Variants in COLEC12 observed in about 807,000 individuals in gnomAD.
The protein encoded by COLEC12 is collectin-12.
In COLEC12, 33 loss-of-function variants were observed where a neutral mutation model predicts 71.1. The observed-to-expected ratio is 0.46, with a 90% CI of 0.35 to 0.62. The LOEUF (loss-of-function observed/expected upper bound fraction) is 0.62, where lower values mean the gene tolerates loss of function less well. COLEC12 is among the 20% of genes least tolerant of loss of function. The pLI is 0.00. For synonymous variants in COLEC12, 350 were observed against 353.0 expected, an observed-to-expected ratio of 0.99 and a Z score of 0.10; for missense variants, 765 against 916.1, an observed-to-expected ratio of 0.84 and a Z score of 2.13.
intron 3 of COLEC12, among the ~76,000 whole-genome samples, chr18:348,937 G>A (rs972010618): frequency 2.0e-5 from 3 of 152,190 alleles, no homozygotes; most frequent in African/African-American, 7.2e-5. Context: ...TGTTGTGGGA[G>A]GGACTTGGTG....
At chr18:342,103 G>A (rs1055469066) in intron 5 of COLEC12, among the ~76,000 whole-genome samples, 27 of 151,942 alleles carry the variant, frequency 1.8e-4, no homozygotes, top group African/African-American at 6.5e-4. Context: ...TGTTGCCCAG[G>A]CTAGAGTGCA....
Position 476,828 on chromosome 18 carries a change from T to G in COLEC12, c.58+3879A>C, listed in dbSNP as rs180774258. On this transcript the variant is annotated intron_variant, in intron 2 of 9. Transcript: ENST00000400256. ...GTGCCTCATGTCCCAGAAAATGAAC[T>G]CTGCCAAATTGTAACTATAGTTACG... 2.6e-5 allele frequency among the ~76,000 whole-genome samples: 4 copies of G among 152,354 alleles called. No homozygotes were observed. In the East Asian group the frequency reaches 7.7e-4, roughly 29 times the overall value.
chr18:477,142 G>A (rs1567920093), intron 2 of COLEC12, among the ~76,000 whole-genome samples: 1 of 152,198 alleles, frequency 6.6e-6, no homozygotes. Flanking sequence ...TAAACAAGGG[G>A]TGACTGCACC....
chr18:444,652 G>T (rs1374395900), intron 2 of COLEC12, among the ~76,000 whole-genome samples: 1 of 151,954 alleles, frequency 6.6e-6, no homozygotes, highest in Non-Finnish European at 1.5e-5. Flanking sequence ...GGTAGGGAGG[G>T]GAGAGAAAAG....
intron 3 of COLEC12, among the ~76,000 whole-genome samples, chr18:353,133 C>A (rs959263267): frequency 6.6e-6 from 1 of 152,180 alleles, no homozygotes; most frequent in South Asian, 2.1e-4. Context: ...CTTCTTCCCT[C>A]GTCTTGACTC....
At chr18:422,961 C>T (rs1199906334) in intron 2 of COLEC12, among the ~76,000 whole-genome samples, 1 of 152,240 alleles carries the variant, frequency 6.6e-6, no homozygotes, top group Non-Finnish European at 1.5e-5. Flanking sequence ...ACGTTTCCCA[C>T]TCATTTGTTC....
At chr18:468,771 C>A (rs1389663677) in intron 2 of COLEC12, among the ~76,000 whole-genome samples, 1 of 152,224 alleles carries the variant, frequency 6.6e-6, no homozygotes, top group Non-Finnish European at 1.5e-5. Context: ...CGTTCCATAA[C>A]AAGAAAATTT....
At chr18:365,236 T>C (rs1336884621) in intron 2 of COLEC12, among the ~76,000 whole-genome samples, 2 of 152,220 alleles carry the variant, frequency 1.3e-5, no homozygotes, top group Non-Finnish European at 2.9e-5. Flanking sequence ...TGTGGTGACA[T>C]ACTTAAGCAG....
intron 2 of COLEC12, among the ~76,000 whole-genome samples, chr18:386,163 A>C (rs1352098338): frequency 6.6e-6 from 1 of 152,096 alleles, no homozygotes; most frequent in Non-Finnish European, 1.5e-5. Flanking sequence ...GAAATTACAG[A>C]ATTATTGAGC....
At chr18:322,193 T>TAC (rs34440882) in intron 8 of COLEC12, among the ~76,000 whole-genome samples, 103,064 of 149,574 alleles carry the variant, frequency 0.69, 35,568 homozygotes, top group East Asian at 0.93. Flanking sequence ...GAGGACATGA[T>TAC]ACACACACAC....
intron 2 of COLEC12, among the ~76,000 whole-genome samples, chr18:403,558 T>G (rs1448630654): frequency 6.6e-6 from 1 of 152,186 alleles, no homozygotes; most frequent in Non-Finnish European, 1.5e-5. Context: ...GCTGGTGGCT[T>G]GTTTTCCTTT....
At chr18:430,357 G>T (rs1390533353) in intron 2 of COLEC12, among the ~76,000 whole-genome samples, 1 of 151,746 alleles carries the variant, frequency 6.6e-6, no homozygotes, top group Non-Finnish European at 1.5e-5. Context: ...TTAGAAGAAA[G>T]AACAAATAAA....
At chr18:488,203 G>C (rs961799696) in intron 1 of COLEC12, among the ~76,000 whole-genome samples, 1 of 152,146 alleles carries the variant, frequency 6.6e-6, no homozygotes, top group Non-Finnish European at 1.5e-5. Flanking sequence ...TTGAGGTCAT[G>C]AGTTTGAGAC....
chr18:329,706 C>T (rs937326423), intron 8 of COLEC12, among the ~76,000 whole-genome samples: 1 of 152,242 alleles, frequency 6.6e-6, no homozygotes, highest in African/African-American at 2.4e-5. Context: ...TAAGGGCAGT[C>T]TGAGGCTCAC....
At chr18:436,525 A>AGGGG (rs10547166) in intron 2 of COLEC12, among the ~76,000 whole-genome samples, 16 of 98,922 alleles carry the variant, frequency 1.6e-4, no homozygotes, top group South Asian at 3.4e-4. Flanking sequence ...CAAAAAAAAA[A>AGGGG]GGGGGGGGGG....
chr18:332,929 C>T (rs1381081729), intron 7 of COLEC12, 78 bp downstream of exon 7: 2 of 1,308,582 alleles, frequency 1.5e-6, no homozygotes, highest in Non-Finnish European at 2.1e-6. Context: ...TCTCTGAATC[C>T]CCAACAAGCC....
intron 2 of COLEC12, among the ~76,000 whole-genome samples, chr18:401,033 G>T (rs760580186): frequency 1.3e-5 from 2 of 152,110 alleles, no homozygotes; most frequent in Non-Finnish European, 2.9e-5. Flanking sequence ...ACTACAACTA[G>T]ATCAGTGAAG....
intron 8 of COLEC12, among the ~76,000 whole-genome samples, chr18:326,344 C>G (rs532369163): frequency 5.3e-5 from 8 of 152,036 alleles, no homozygotes; most frequent in African/African-American, 1.9e-4. Context: ...AGTTCTAGTT[C>G]CTTTTTGTTT....
At chr18:446,797 A>T (rs1296955132) in intron 2 of COLEC12, among the ~76,000 whole-genome samples, 1 of 152,224 alleles carries the variant, frequency 6.6e-6, no homozygotes, top group Non-Finnish European at 1.5e-5. Flanking sequence ...ACAAAAAGGC[A>T]TGTATTTCAT....
Sources: gnomAD v4.1 joint callset for allele counts (sites outside exome capture counted in the v4.1 genomes callset) on GRCh38, gnomAD v4.1.1 for gene constraint, MANE v1.5 for transcripts, NCBI Gene and HGNC (gene_info 2026-07-23, HGNC 2026-07-21) for gene names.